Variants in GFRA2 observed in about 807,000 individuals in gnomAD.
GFRA2 encodes the protein GDNF family receptor alpha-2.
Under a neutral mutation model 48.3 loss-of-function variants are expected in GFRA2, and 17 were observed. The ratio of observed to expected loss-of-function variants is 0.35; its 90% CI spans 0.24 to 0.53. The LOEUF is 0.53. GFRA2 is among the 20% of genes least tolerant of loss of function. The probability of loss-of-function intolerance (pLI) is 0.93; values close to 1 mark genes in which losing one functional copy is unlikely to be tolerated. For missense variants in GFRA2, 660 were observed against 637.3 expected, an observed-to-expected ratio of 1.04 and a Z score of -0.38; for synonymous variants, 305 against 257.2, an observed-to-expected ratio of 1.19 and a Z score of -1.78.
intron 4 of GFRA2, among the ~76,000 whole-genome samples, chr8:21,738,359 G>A (rs1275803977): frequency 2.6e-5 from 4 of 151,238 alleles, no homozygotes; most frequent in African/African-American, 7.3e-5. Flanking sequence ...ACCTCTGAAG[G>A]TCTCTGAGCA....
Position 21,767,124 on chromosome 8 carries a change from ACAC to A in GFRA2, c.439+7845_439+7847del, listed in dbSNP as rs779686656. Among the ~76,000 whole-genome samples the A allele has an allele frequency of 6.9e-5, 10 of 144,154 alleles. No homozygotes were observed. In the South Asian group the frequency reaches 7.4e-4, roughly 11 times the overall value. The allele number at this position is 144,154 out of a possible 152,430, so 94.6% of individuals were successfully genotyped here. A position where few individuals can be genotyped will look rare whatever the true frequency, so the allele number is the denominator to read the frequency against. ...ACACCACCATACATCACATACACAC[ACAC>A]CACCTCACACCACCACACACATGCA... On this transcript the variant is annotated intron_variant, in intron 3 of 8. Coordinates refer to ENST00000524240, the MANE Select transcript of GFRA2 (RefSeq NM_001495.5).
intron 4 of GFRA2, among the ~76,000 whole-genome samples, chr8:21,712,349 C>T (rs1425616978): frequency 1.3e-5 from 2 of 150,826 alleles, no homozygotes; most frequent in African/African-American, 4.9e-5. Flanking sequence ...CGGGCAGAGG[C>T]GCTCCTCACA....
At chr8:21,709,255 C>T (rs1185013358) in intron 4 of GFRA2, among the ~76,000 whole-genome samples, 2 of 152,230 alleles carry the variant, frequency 1.3e-5, no homozygotes, top group Non-Finnish European at 2.9e-5. Flanking sequence ...CCCATGAAGC[C>T]CTTCCCACCT....
chr8:21,694,456 C>T lies in GFRA2; in HGVS notation c.1272+8G>A. ...TCTGCACCCATCCCCACTCTGCCCC[C>T]AACTCACCTCTGTGAAGCACATGCT... On this transcript the variant is annotated splice_region_variant and intron_variant, in intron 8 of 8. Coordinates refer to ENST00000524240, the MANE Select transcript of GFRA2 (RefSeq NM_001495.5). 6.2e-7 allele frequency: 1 copy of T among 1,611,434 alleles called. No individual in the cohort carries two copies. The highest frequency in any genetic ancestry group is 1.7e-5 in the Admixed American group (1 of 59,876).
Position 21,750,067 on chromosome 8 carries a change from A to G in GFRA2, c.794+521T>C, listed in dbSNP as rs1400990275. Among the ~76,000 whole-genome samples the G allele has an allele frequency of 2.1e-5, 3 of 140,974 alleles. No homozygotes were observed. Among genetic ancestry groups the G allele is most frequent in the African/African-American group, 3.0e-5 (1 of 33,254 alleles). The allele number at this position is 140,974 out of a possible 152,430, so 92.5% of individuals were successfully genotyped here. ...AATATATGTAAGTATATATATGTGT[A>G]TATATGTGTGTGTGTGTGTATACAC... On this transcript the variant is annotated intron_variant, in intron 4 of 8. Transcript: ENST00000524240. The surrounding 1 kb of genome is among the most constrained non-coding windows in gnomAD (Gnocchi z 5.7).
intron 4 of GFRA2, among the ~76,000 whole-genome samples, chr8:21,710,891 G>A (rs1429004558): frequency 1.3e-5 from 2 of 152,304 alleles, no homozygotes; most frequent in Non-Finnish European, 2.9e-5. Flanking sequence ...TATTTAGGAG[G>A]ACACAGAGTC....
chr8:21,698,569 T>C (rs115694291), intron 7 of GFRA2, among the ~76,000 whole-genome samples: 6,237 of 152,210 alleles, frequency 0.041, 416 homozygotes, highest in African/African-American at 0.14. Flanking sequence ...CTTCTGGCCC[T>C]GGCCCCGCCC....
intron 1 of GFRA2, among the ~76,000 whole-genome samples, chr8:21,806,393 T>C (rs940015648): frequency 3.3e-5 from 5 of 152,336 alleles, no homozygotes; most frequent in African/African-American, 1.2e-4. Flanking sequence ...TGCCCAATTG[T>C]AGGCTAATAT....
At chr8:21,732,807 C>G (rs1224058371) in intron 4 of GFRA2, among the ~76,000 whole-genome samples, 1 of 152,218 alleles carries the variant, frequency 6.6e-6, no homozygotes, top group African/African-American at 2.4e-5. Flanking sequence ...CACTTCAACA[C>G]ATAAGAATAG....
intron 7 of GFRA2, among the ~76,000 whole-genome samples, chr8:21,702,603 G>A (rs1802535325): frequency 6.6e-6 from 1 of 152,234 alleles, no homozygotes; most frequent in Non-Finnish European, 1.5e-5. Flanking sequence ...GTATAACACT[G>A]TGATGTAACA....
At chr8:21,720,720 A>C (rs187868481) in intron 4 of GFRA2, among the ~76,000 whole-genome samples, 2 of 151,978 alleles carry the variant, frequency 1.3e-5, no homozygotes, top group African/African-American at 4.8e-5. Context: ...CCTCCAGTTC[A>C]CCCTTCCAAA....
chr8:21,702,031 AG>A (rs764798884), intron 7 of GFRA2, among the ~76,000 whole-genome samples: 263 of 152,290 alleles, frequency 1.7e-3, no homozygotes, highest in Non-Finnish European at 1.8e-3. Flanking sequence ...TAGAGTCTGG[AG>A]GACCTGACAG....
intron 3 of GFRA2, among the ~76,000 whole-genome samples, chr8:21,766,670 CAGGG>C (rs1585318062): frequency 2.2e-5 from 3 of 135,950 alleles, no homozygotes; most frequent in Non-Finnish European, 4.8e-5. Context: ...AGAGGATGAA[CAGGG>C]GCCTGGGGGG....
At chr8:21,759,752 G>A (rs561135855) in intron 3 of GFRA2, among the ~76,000 whole-genome samples, 189 of 151,958 alleles carry the variant, frequency 1.2e-3, no homozygotes, top group African/African-American at 4.5e-3. Context: ...AGCCGAGTGT[G>A]GTGGCATGTG....
chr8:21,763,456 A>C (rs1057149980), intron 3 of GFRA2, among the ~76,000 whole-genome samples: 1 of 151,900 alleles, frequency 6.6e-6, no homozygotes, highest in South Asian at 2.1e-4. Context: ...CTGGCTCACC[A>C]TCTCCGGTTC....
Position 21,788,145 on chromosome 8 carries a change from G to C in GFRA2, c.15C>G (p.Asn5Lys), listed in dbSNP as rs1478990225. 6.3e-7 allele frequency: 1 copy of C among 1,587,046 alleles called. No individual in the cohort carries two copies. Among genetic ancestry groups the C allele is most frequent in the Non-Finnish European group, 8.6e-7 (1 of 1,164,654 alleles). ...CTAGAAAGAAGAAGAGGCAGAAGACGTTTGCCAAGATCATGTTAAATAAAT... is the reference window on the plus strand; with the variant it reads ...CTAGAAAGAAGAAGAGGCAGAAGACCTTTGCCAAGATCATGTTAAATAAAT... MILANVFCLFFFLDE... is the reference protein window; with the variant it reads MILAKVFCLFFFLDE... Residue 5 changes from asparagine to lysine, a missense_variant, in exon 1 of 9, where the codon AAC becomes AAG. Transcript: ENST00000524240.
In GFRA2 at chr8:21,705,581, C is replaced by T. The variant is rs369356200; in HGVS notation, c.904+351G>A. ...ATCTATAAAATGGAGATTATCAGCA[C>T]CCCGCTAGCAAGAGCTGTTGGGAGA... On this transcript the variant is annotated intron_variant, in intron 5 of 8. Coordinates refer to ENST00000524240, the MANE Select transcript of GFRA2 (RefSeq NM_001495.5). Among the ~76,000 whole-genome samples the T allele has an allele frequency of 2.6e-5, 4 of 152,216 alleles. No homozygotes were observed. In the East Asian group the frequency reaches 7.7e-4, roughly 29 times the overall value.
chr8:21,748,094 C>G (rs1370550238), intron 4 of GFRA2, among the ~76,000 whole-genome samples: 1 of 152,176 alleles, frequency 6.6e-6, no homozygotes, highest in Admixed American at 6.5e-5. Flanking sequence ...CTAGCAACCC[C>G]TCCTAGGCCA....
intron 4 of GFRA2, among the ~76,000 whole-genome samples, chr8:21,733,613 C>T (rs989705183): frequency 2.6e-5 from 4 of 152,162 alleles, no homozygotes; most frequent in Admixed American, 6.5e-5. Context: ...TGGCTGAGCC[C>T]GGGCCCACTG....
Sources: gnomAD v4.1 joint callset for allele counts (sites outside exome capture counted in the v4.1 genomes callset) on GRCh38, gnomAD v4.1.1 for gene constraint, Gnocchi (gnomAD v3.1) non-coding constraint, MANE v1.5 for transcripts, NCBI Gene and HGNC (gene_info 2026-07-23, HGNC 2026-07-21) for gene names.